Variants in ZNF567 observed in about 807,000 individuals in gnomAD.
ZNF567 encodes the protein zinc finger protein 567.
Under a neutral mutation model 53.9 loss-of-function variants are expected in ZNF567, and 36 were observed. The observed-to-expected ratio is 0.67, with a 90% CI of 0.51 to 0.88. ZNF567 has a LOEUF of 0.88. Among genes scored for constraint, ZNF567 ranks in the 40% least tolerant of loss-of-function variants. The pLI is 0.00. For missense variants in ZNF567, 619 were observed against 764.7 expected (o/e 0.81, Z 2.25); for synonymous variants, 224 against 260.4 (o/e 0.86, Z 1.35).
chr19:36,667,754 A>G, the ZNF567 span, among the ~76,000 whole-genome samples: 2 of 144,470 alleles, frequency 1.4e-5, no homozygotes, highest in Non-Finnish European at 3.0e-5. Context: ...GGTTCACGCC[A>G]TTCTCCTGCC....
chr19:36,712,528 T>C lies in ZNF567; in HGVS notation c.136+16T>C, dbSNP rs2039842935. 6.2e-7 allele frequency: 1 copy of C among 1,613,932 alleles called. No individual in the cohort carries two copies. The highest frequency in any genetic ancestry group is 1.1e-5 in the South Asian group (1 of 91,066). Reference sequence around the variant, plus strand: ...ATCTCTGTGGGTAAGAAAAATCCTCTTTGAAACTTTAGTAGCATGCACTTC... The same window carrying C: ...ATCTCTGTGGGTAAGAAAAATCCTCCTTGAAACTTTAGTAGCATGCACTTC... On this transcript the variant is annotated intron_variant, in intron 4 of 5. Coordinates refer to ENST00000682579, the MANE Select transcript of ZNF567 (RefSeq NM_001322917.1).
chr19:36,712,132 C>T (rs1234617157), intron 3 of ZNF567: 5 of 367,030 alleles, frequency 1.4e-5, no homozygotes, highest in South Asian at 2.3e-5. Context: ...CTGCATCCTC[C>T]GCCTCCTGGT....
intron 5 of ZNF567, among the ~76,000 whole-genome samples, chr19:36,715,016 G>A (rs1416140033): frequency 2.0e-5 from 3 of 151,948 alleles, no homozygotes; most frequent in Non-Finnish European, 4.4e-5. Context: ...TGGCACTGAC[G>A]TCAACATACA....
At chr19:36,707,553 T>C (rs2145779978) in intron 3 of ZNF567, among the ~76,000 whole-genome samples, 1 of 152,314 alleles carries the variant, frequency 6.6e-6, no homozygotes, top group South Asian at 2.1e-4. Flanking sequence ...TTCTTGAGCT[T>C]ATGGAGTATG....
At chr19:36,687,481 G>A (rs1353748348), upstream of ZNF567, 1 of 152,352 alleles carries the variant, frequency 6.6e-6, no homozygotes, top group South Asian at 2.1e-4. Flanking sequence ...AAACCGCCCG[G>A]GCGCCTGTGG....
chr19:36,675,905 ATGT>A, the ZNF567 span, among the ~76,000 whole-genome samples: 1 of 151,996 alleles, frequency 6.6e-6, no homozygotes, highest in Non-Finnish European at 1.5e-5. Flanking sequence ...TCTATTGCTG[ATGT>A]CTGGCATTCT....
the ZNF567 span, chr19:36,668,854 TGAGA>T: frequency 9.9e-5 from 15 of 152,220 alleles, no homozygotes; most frequent in African/African-American, 3.4e-4. Flanking sequence ...AAACTGTCAG[TGAGA>T]GAGAAAGTAG....
At chr19:36,668,056 A>G in the ZNF567 span, 1 of 152,132 alleles carries the variant, frequency 6.6e-6, no homozygotes, top group South Asian at 2.1e-4. Flanking sequence ...TCCACCTCCC[A>G]AAGTGCTGGG....
intron 3 of ZNF567, among the ~76,000 whole-genome samples, chr19:36,708,645 AC>A (rs961897265): frequency 3.3e-5 from 5 of 151,922 alleles, no homozygotes; most frequent in African/African-American, 9.7e-5. Context: ...CCTCCCTGCT[AC>A]CCCCTGGAAA....
downstream of ZNF567, chr19:36,727,012 T>TTTCTTTCTTTCTTTCTTTCTTCCCTTTTC (rs1555809313): frequency 8.0e-6 from 1 of 125,616 alleles, no homozygotes; most frequent in Non-Finnish European, 1.6e-5. Flanking sequence ...CTTTCTTTCC[T>TTTCTTTCTTTCTTTCTTTCTTCCCTTTTC]TTTTTTTTTT....
the ZNF567 span, among the ~76,000 whole-genome samples, chr19:36,670,939 T>C: frequency 6.6e-6 from 1 of 152,180 alleles, no homozygotes; most frequent in Admixed American, 6.5e-5. Context: ...CCGTCTCTAC[T>C]AAAAATACAA....
At chr19:36,707,168 G>A (rs2145775489) in intron 3 of ZNF567, among the ~76,000 whole-genome samples, 1 of 151,700 alleles carries the variant, frequency 6.6e-6, no homozygotes, top group African/African-American at 2.4e-5. Context: ...TTTAGATTGA[G>A]AAATTTTTTA....
the ZNF567 span, chr19:36,668,488 A>G: frequency 1.3e-5 from 2 of 152,364 alleles, no homozygotes; most frequent in Non-Finnish European, 2.9e-5. Flanking sequence ...TTAGAGGACT[A>G]GTGTGACTGT....
At chr19:36,721,628 CA>C (rs1171870100), downstream of ZNF567, among the ~76,000 whole-genome samples, 1 of 151,664 alleles carries the variant, frequency 6.6e-6, no homozygotes, top group Non-Finnish European at 1.5e-5. Context: ...GTACTTTAGC[CA>C]TAGCTTATTA....
At chr19:36,672,637 T>C in the ZNF567 span, among the ~76,000 whole-genome samples, 23 of 152,322 alleles carry the variant, frequency 1.5e-4, no homozygotes, top group African/African-American at 5.3e-4. Flanking sequence ...AAGACCAACA[T>C]TGGCTCCCCA....
At position 36,706,263 on chromosome 19, in the gene ZNF567, G is replaced by T. The variant is rs145810641; in HGVS notation, c.10-6123G>T. On this transcript the variant is annotated intron_variant, in intron 3 of 5. Coordinates refer to ENST00000682579, the MANE Select transcript of ZNF567 (RefSeq NM_001322917.1). ...AATCACGTATTAAAGGCCCTACTTC[G>T]TAATACTATCACATTGGCAACACCT... is the stretch of plus-strand genomic sequence containing the variant. 7.5e-4 allele frequency among the ~76,000 whole-genome samples: 114 copies of T among 152,250 alleles called. 2 individuals carry two copies. Among genetic ancestry groups the T allele is most frequent in the Admixed American group, 4.3e-3 (66 of 15,284 alleles).
intron 2 of ZNF567, 40 bp from the exon 3 acceptor site, chr19:36,694,762 G>A: frequency 9.7e-7 from 1 of 1,033,874 alleles, no homozygotes; most frequent in Non-Finnish European, 1.4e-6. Context: ...GGCACATGTG[G>A]TCTCATGTGG....
intron 5 of ZNF567, among the ~76,000 whole-genome samples, chr19:36,716,986 C>A (rs962349288): frequency 6.6e-6 from 1 of 152,064 alleles, no homozygotes; most frequent in Non-Finnish European, 1.5e-5. Flanking sequence ...CCACCATGCC[C>A]GGCCAGCTTT....
At chr19:36,699,716 C>G (rs1332139485) in intron 3 of ZNF567, among the ~76,000 whole-genome samples, 4 of 152,032 alleles carry the variant, frequency 2.6e-5, no homozygotes, top group African/African-American at 9.7e-5. Context: ...TGATTTGGCT[C>G]TCTGTTTGTC....
Sources: gnomAD v4.1 joint callset for allele counts (sites outside exome capture counted in the v4.1 genomes callset) on GRCh38, gnomAD v4.1.1 for gene constraint, MANE v1.5 for transcripts, NCBI Gene and HGNC (gene_info 2026-07-23, HGNC 2026-07-21) for gene names.